Variants in SCARB1 observed in about 807,000 individuals in gnomAD.
SCARB1 encodes the protein CD36 and LIMPII analogous 1.
Under a neutral mutation model 57.2 loss-of-function variants are expected in SCARB1, and 30 were observed. The ratio of observed to expected loss-of-function variants is 0.52; its 90% CI spans 0.39 to 0.71. The LOEUF is 0.71. Among genes scored for constraint, SCARB1 ranks in the 30% least tolerant of loss-of-function variants. The pLI is 0.00. For synonymous variants in SCARB1, 249 were observed against 268.3 expected, an observed-to-expected ratio of 0.93 and a Z score of 0.70; for missense variants, 543 against 671.2, an observed-to-expected ratio of 0.81 and a Z score of 2.11.
Position 124,824,409 on chromosome 12 carries a change from T to C in SCARB1, c.127-6702A>G, listed in dbSNP as rs992018682. On this transcript the variant is annotated intron_variant, in intron 1 of 12. Transcript: ENST00000261693. ...AAAGGAATGGTGGGTGACTGCTTAA[T>C]GGGTACACGGTAATGAGAATGCTTT... is the stretch of plus-strand genomic sequence containing the variant. 1.8e-4 allele frequency among the ~76,000 whole-genome samples: 28 copies of C among 152,282 alleles called. 1 individual carries two copies. The highest frequency in any genetic ancestry group is 1.6e-3 in the Admixed American group (24 of 15,280).
In SCARB1 at chr12:124,787,434, A is replaced by G. The variant is rs916254533; in HGVS notation, c.1226T>C (p.Val409Ala). The change falls in exon 10 of 13, where the codon GTG becomes GCG. Residue 409 changes from valine (V) to alanine (A), a missense_variant. Physicochemically the swap from Val to Ala is moderately conservative, Grantham distance 64. Coordinates refer to ENST00000261693, the MANE Select transcript of SCARB1 (RefSeq NM_005505.5). ...TGCAAACCAGAGCAGCGGCAGGACCACAGGCTCAATCTTCCCAGTTTGTCT... is the reference window on the plus strand; with the variant it reads ...TGCAAACCAGAGCAGCGGCAGGACCGCAGGCTCAATCTTCCCAGTTTGTCT... ...GIGQTGKIEPVVLPLLWFAES... is the reference protein window; with the variant it reads ...GIGQTGKIEPAVLPLLWFAES... The G allele has an allele frequency of 1.2e-6, 2 of 1,613,804 alleles. No individual in the cohort carries two copies. Among genetic ancestry groups the G allele is most frequent in the Non-Finnish European group, 1.7e-6 (2 of 1,179,916 alleles).
chr12:124,830,391 C>T (rs1388532021), intron 1 of SCARB1, among the ~76,000 whole-genome samples: 1 of 152,186 alleles, frequency 6.6e-6, no homozygotes, highest in Non-Finnish European at 1.5e-5. Context: ...CACAAATGCT[C>T]ATAGCAGCCG....
At chr12:124,803,689 CAAA>C (rs58564503) in intron 7 of SCARB1, among the ~76,000 whole-genome samples, 2,752 of 47,404 alleles carry the variant, frequency 0.058, 17 homozygotes, top group Middle Eastern at 0.12. Flanking sequence ...CCCACCTCTA[CAAA>C]AAAAAAAAAA....
At chr12:124,815,142 C>G in intron 2 of SCARB1, 28 bp from the exon 3 acceptor site, 4 of 1,610,460 alleles carry the variant, frequency 2.5e-6, no homozygotes, top group Non-Finnish European at 3.4e-6. Context: ...GGGTCAGACG[C>G]CCCGCCCCGC....
rs775993344 is a variant in SCARB1, at chr12:124,828,273, G to C, written c.127-10566C>G. On this transcript the variant is annotated intron_variant, in intron 1 of 12. Coordinates refer to ENST00000261693, the MANE Select transcript of SCARB1 (RefSeq NM_005505.5). Reference sequence around the variant, plus strand: ...CCCACAGCACTCTCCCCTGCACCTGGAGAGGCCCCTGACCTCCAAACCTAA... The same window carrying C: ...CCCACAGCACTCTCCCCTGCACCTGCAGAGGCCCCTGACCTCCAAACCTAA... 5.5e-4 allele frequency among the ~76,000 whole-genome samples: 83 copies of C among 152,094 alleles called. 1 individual carries two copies. Among genetic ancestry groups the C allele is most frequent in the South Asian group, 4.2e-4 (2 of 4,814 alleles).
Position 124,814,925 on chromosome 12 carries a change from G to C in SCARB1, c.426+48C>G, listed in dbSNP as rs1024225749. On this transcript the variant is annotated intron_variant, in intron 3 of 12. Coordinates refer to ENST00000261693, the MANE Select transcript of SCARB1 (RefSeq NM_005505.5). The surrounding 1 kb of genome is among the most constrained non-coding windows in gnomAD (Gnocchi z 4.7). ...AAGGGGCAGGCGGGAGGAGAGACAG[G>C]GGACGAGGTCAGGGTGCGAGGCGGC... 1.2e-6 allele frequency: 2 copies of C among 1,612,200 alleles called. No homozygotes were observed. The highest frequency in any genetic ancestry group is 3.3e-5 in the Admixed American group (2 of 59,936).
At chr12:124,819,130 A>T (rs1402683737) in intron 1 of SCARB1, among the ~76,000 whole-genome samples, 3 of 9,570 alleles carry the variant, frequency 3.1e-4, no homozygotes, top group Non-Finnish European at 1.8e-3. Flanking sequence ...CCTGTCTCAT[A>T]AAAAAAAAAA....
Position 124,818,128 on chromosome 12 carries a change from T to A in SCARB1, c.127-421A>T, listed in dbSNP as rs201651880. On this transcript the variant is annotated intron_variant, in intron 1 of 12. Transcript: ENST00000261693. Reference sequence around the variant, plus strand: ...CAAGCAAGCACTGAGCACTACCACCTGCCAGGCGGGTTCTAAGAGCTGGGG... The same window carrying A: ...CAAGCAAGCACTGAGCACTACCACCAGCCAGGCGGGTTCTAAGAGCTGGGG... Among the ~76,000 whole-genome samples, 42 of 152,256 alleles carry A rather than the reference T, an allele frequency of 2.8e-4. 1 individual carries two copies. The highest frequency in any genetic ancestry group is 3.4e-3 in the Middle Eastern group (1 of 294).
At position 124,814,078 on chromosome 12, in the gene SCARB1, T is replaced by C; in HGVS notation, c.630+124A>G. ...GGTTTGAGTCAGGTTCTCAGTCACTTACAACCCACAGCCACTAGATCCCCA... is the reference window on the plus strand; with the variant it reads ...GGTTTGAGTCAGGTTCTCAGTCACTCACAACCCACAGCCACTAGATCCCCA... On this transcript the variant is annotated intron_variant, in intron 4 of 12. Coordinates refer to ENST00000261693, the MANE Select transcript of SCARB1 (RefSeq NM_005505.5). This position sits in a 1 kb window ranked among gnomAD's most constrained non-coding sequence, Gnocchi z 4.7. 1 of 913,978 alleles carries C rather than the reference T, an allele frequency of 1.1e-6. No individual in the cohort carries two copies. Among genetic ancestry groups the C allele is most frequent in the Non-Finnish European group, 1.8e-6 (1 of 546,946 alleles). The allele number at this position is 913,978 out of a possible 1,614,324, so 56.6% of individuals were successfully genotyped here. A position where few individuals can be genotyped will look rare whatever the true frequency, so the allele number is the denominator to read the frequency against.
Position 124,795,886 on chromosome 12 carries a change from G to A in SCARB1, c.1129-618C>T, listed in dbSNP as rs11057816. Among the ~76,000 whole-genome samples, 4,659 of 152,212 alleles carry A rather than the reference G, an allele frequency of 0.031. 550 individuals carry two copies. In the East Asian group the frequency reaches 0.39, roughly 13 times the overall value. On this transcript the variant is annotated intron_variant, in intron 8 of 12. Transcript: ENST00000261693. ...CATAGAGCCTAATATTTTTTTCCTT[G>A]TTCATTTTTATGGTTGTCTTCTTTT...
At chr12:124,791,695 G>A (rs1332140134) in intron 9 of SCARB1, among the ~76,000 whole-genome samples, 9 of 152,158 alleles carry the variant, frequency 5.9e-5, no homozygotes, top group African/African-American at 9.7e-5. Context: ...AGTGGCTCAC[G>A]CCTGTAATCC....
At position 124,859,338 on chromosome 12, in the gene SCARB1, T is replaced by C. The variant is rs557049909; in HGVS notation, c.126+4257A>G. 1.2e-4 allele frequency among the ~76,000 whole-genome samples: 18 copies of C among 152,118 alleles called. 1 individual carries two copies. The highest frequency in any genetic ancestry group is 3.4e-3 in the Middle Eastern group (1 of 294). On this transcript the variant is annotated intron_variant, in intron 1 of 12. Transcript: ENST00000261693. ...GTCAGGAGATCAAGACCATCCCGGC[T>C]AACACGGTGAAACCCCATCTCTACT...
At chr12:124,856,281 C>G (rs1203609105) in intron 1 of SCARB1, among the ~76,000 whole-genome samples, 2 of 152,236 alleles carry the variant, frequency 1.3e-5, no homozygotes, top group East Asian at 3.8e-4. Context: ...AGGCACACAT[C>G]AACACAGGTG....
rs1950563544 is a variant in SCARB1 at position 124,812,448 on chromosome 12, C to T, written c.631-483G>A. On this transcript the variant is annotated intron_variant, in intron 4 of 12. Transcript: ENST00000261693. This position sits in a 1 kb window ranked among gnomAD's most constrained non-coding sequence, Gnocchi z 4.3. Reference sequence around the variant, plus strand: ...AGCCTGGATCCCCAAGTGACCACCACAAGCGCGGGTGCCCCAGTCACCCAC... The same window carrying T: ...AGCCTGGATCCCCAAGTGACCACCATAAGCGCGGGTGCCCCAGTCACCCAC... Among the ~76,000 whole-genome samples, 1 of 152,232 alleles carries T rather than the reference C, an allele frequency of 6.6e-6. No homozygotes were observed. Among genetic ancestry groups the T allele is most frequent in the Non-Finnish European group, 1.5e-5 (1 of 68,038 alleles).
chr12:124,801,426 T>C lies in SCARB1; in HGVS notation c.1010-1184A>G, dbSNP rs568534543. 3.9e-5 allele frequency among the ~76,000 whole-genome samples: 6 copies of C among 152,300 alleles called. No individual in the cohort carries two copies. In the South Asian group the frequency reaches 6.2e-4, roughly 16 times the overall value. ...TGCCACTGAATCATTCACTTTAAAA[T>C]GGTTAATTTTATGTTACAAGAATTT... is the stretch of plus-strand genomic sequence containing the variant. On this transcript the variant is annotated intron_variant, in intron 7 of 12. Coordinates refer to ENST00000261693, the MANE Select transcript of SCARB1 (RefSeq NM_005505.5).
intron 11 of SCARB1, chr12:124,783,741 C>G (rs2135529457): frequency 6.6e-6 from 1 of 152,174 alleles, no homozygotes; most frequent in African/African-American, 2.4e-5. Context: ...GATTGTGCCA[C>G]TGCACTCCAG....
rs60063887 is a variant in SCARB1 at position 124,817,353 on chromosome 12, TAAAAAAAAAAAAAAA to T, written c.284+182_284+196del. Among the ~76,000 whole-genome samples the T allele has an allele frequency of 1.7e-4, 12 of 68,772 alleles. No homozygotes were observed. The highest frequency in any genetic ancestry group is 1.1e-4 in the African/African-American group (2 of 18,074). The allele number at this position is 68,772 out of a possible 152,430, so 45.1% of individuals were successfully genotyped here. On this transcript the variant is annotated intron_variant, in intron 2 of 12. Transcript: ENST00000261693. The surrounding 1 kb of genome is among the most constrained non-coding windows in gnomAD (Gnocchi z 4.8). Reference sequence around the variant, plus strand: ...GGGCAACATAGCAAGATCCCATCTCTAAAAAAAAAAAAAAAAAAAAAAAAAACCCTAAAACAAAAA... The same window carrying T: ...GGGCAACATAGCAAGATCCCATCTCTAAAAAAAAAAACCCTAAAACAAAAA...
At chr12:124,857,842 C>A (rs1952704460) in intron 1 of SCARB1, among the ~76,000 whole-genome samples, 2 of 152,136 alleles carry the variant, frequency 1.3e-5, no homozygotes, top group South Asian at 4.1e-4. Flanking sequence ...CAGAGGGGAC[C>A]CAGGTTCTCT....
chr12:124,817,645 G>T lies in SCARB1; in HGVS notation c.189C>A (p.Phe63Leu), dbSNP rs1294848774. Residue 63 changes from phenylalanine to leucine, a missense_variant, in exon 2 of 13, where the codon TTC (phenylalanine) becomes TTA (leucine). Phe to Leu is a conservative substitution (Grantham distance 22, BLOSUM62 0). Coordinates refer to ENST00000261693, the MANE Select transcript of SCARB1 (RefSeq NM_005505.5). This position sits in a 1 kb window ranked among gnomAD's most constrained non-coding sequence, Gnocchi z 4.8. ...CGTCAAAGAAGTAGACGGAGAGATAGAAGGGGATAGGGATCTCCTTCCACA... is the reference window on the plus strand; with the variant it reads ...CGTCAAAGAAGTAGACGGAGAGATATAAGGGGATAGGGATCTCCTTCCACA... ...FNMWKEIPIP[F>L]YLSVYFFDVM... is the part of the protein sequence containing the mutation. The T allele has an allele frequency of 1.2e-6, 2 of 1,614,234 alleles. No individual in the cohort carries two copies. The highest frequency in any genetic ancestry group is 2.7e-5 in the African/African-American group (2 of 75,070).
Sources: allele counts gnomAD v4.1 joint callset (sites outside exome capture counted in the v4.1 genomes callset), GRCh38; gene constraint gnomAD v4.1.1; non-coding constraint Gnocchi (gnomAD v3.1); transcripts MANE v1.5; gene names NCBI Gene and HGNC (gene_info 2026-07-23, HGNC 2026-07-21).